The following RAP1GAP variants were observed in gnomAD, a reference collection of about 807,000 sequenced individuals.
RAP1GAP encodes the protein RAP1 GTPase activating protein.
A neutral mutation model predicts 87.2 loss-of-function variants in RAP1GAP; 35 were observed. That is an observed-to-expected ratio of 0.40 (90% CI 0.31 to 0.53). The LOEUF is 0.53. RAP1GAP is among the 20% of genes least tolerant of loss of function. The pLI, the probability that RAP1GAP is intolerant of heterozygous loss-of-function variation, is 0.48. For synonymous variants in RAP1GAP, 375 were observed against 363.9 expected (o/e 1.03, Z -0.35); for missense variants, 734 against 898.9 (o/e 0.82, Z 2.35).
chr1:21,638,620 A>C (rs961732001), intron 2 of RAP1GAP, among the ~76,000 whole-genome samples: 1 of 152,204 alleles, frequency 6.6e-6, no homozygotes, highest in Non-Finnish European at 1.5e-5. Context: ...GAAAGTTTAC[A>C]TGGCTTATCT....
At chr1:21,606,027 AG>A in intron 18 of RAP1GAP, 38 bp downstream of exon 18, 1 of 1,547,150 alleles carries the variant, frequency 6.5e-7, no homozygotes. Context: ...AGGGCCCCCC[AG>A]GGAGGGGCCG....
chr1:21,617,548 G>C (rs150959892), intron 6 of RAP1GAP, 57 bp from the exon 7 acceptor site: 5 of 1,529,518 alleles, frequency 3.3e-6, no homozygotes, highest in Non-Finnish European at 4.4e-6. Context: ...GGCGCCCCAG[G>C]ACACCCTCCC....
chr1:21,614,125 G>A (rs748755167), intron 7 of RAP1GAP, 36 bp from the exon 8 acceptor site: 2 of 1,422,314 alleles, frequency 1.4e-6, no homozygotes, highest in Middle Eastern at 2.1e-4. Flanking sequence ...GAGTGGGTGA[G>A]GCTGAGCATG....
At position 21,651,432 on chromosome 1, in the gene RAP1GAP, A is replaced by G. The variant is rs753533605; in HGVS notation, c.-148-1636T>C. On this transcript the variant is annotated intron_variant, in intron 1 of 24. Coordinates refer to ENST00000374765, the MANE Select transcript of RAP1GAP (RefSeq NM_002885.4). Reference sequence around the variant, plus strand: ...GTTGCGCACACACGCATGCACACACACGCGCGCACACACAGGCGGAGTAGC... The same window carrying G: ...GTTGCGCACACACGCATGCACACACGCGCGCGCACACACAGGCGGAGTAGC... The G allele has an allele frequency of 7.0e-6, 4 of 573,124 alleles. No individual in the cohort carries two copies. In the East Asian group the frequency reaches 1.3e-4, roughly 19 times the overall value. 35.5% of individuals were successfully genotyped at this position (573,124 alleles called of 1,614,324 possible).
At chr1:21,639,717 A>G (rs1300786023) in intron 2 of RAP1GAP, among the ~76,000 whole-genome samples, 2 of 152,266 alleles carry the variant, frequency 1.3e-5, no homozygotes, top group East Asian at 3.9e-4. Flanking sequence ...GGAGTGAGCA[A>G]GGATCCACCC....
At chr1:21,610,072 C>T (rs2077264588) in intron 14 of RAP1GAP, 48 bp downstream of exon 14, 2 of 1,595,166 alleles carry the variant, frequency 1.3e-6, no homozygotes, top group South Asian at 2.2e-5. Flanking sequence ...GGCAGAGCTG[C>T]AGCCAGGGCC....
At chr1:21,621,226 C>T (rs1339546846) in intron 3 of RAP1GAP, among the ~76,000 whole-genome samples, 2 of 152,164 alleles carry the variant, frequency 1.3e-5, no homozygotes, top group East Asian at 1.9e-4. Context: ...CATGACAACA[C>T]GCAGCCACAG....
chr1:21,619,928 G>T, intron 4 of RAP1GAP, 87 bp downstream of exon 4: 1 of 1,419,998 alleles, frequency 7.0e-7, no homozygotes, highest in Non-Finnish European at 9.9e-7. Context: ...TCAGGGAGGT[G>T]AAGGGCTGGA....
In RAP1GAP at chr1:21,634,563, G is replaced by A. The variant is rs2094384522; in HGVS notation, c.-112-8166C>T. 2.6e-5 allele frequency among the ~76,000 whole-genome samples: 4 copies of A among 152,214 alleles called. No individual in the cohort carries two copies. The stretch of plus-strand genomic sequence containing the variant: ...GGTGGGAGACTCAGGCCCCAAGCTG[G>A]GCAGAGGGATGGGCAGGAAGGTGGC... On this transcript the variant is annotated intron_variant, in intron 2 of 24. Transcript: ENST00000374765. This position sits in a 1 kb window ranked among gnomAD's most constrained non-coding sequence, Gnocchi z 4.1.
intron 1 of RAP1GAP, chr1:21,653,119 T>G (rs562527931): frequency 3.3e-5 from 5 of 152,158 alleles, no homozygotes; most frequent in Non-Finnish European, 4.4e-5. Flanking sequence ...TACCAGGGTC[T>G]ACGGTTTGTC....
Position 21,635,097 on chromosome 1 carries a change from C to T in RAP1GAP, c.-112-8700G>A, listed in dbSNP as rs144949965. Among the ~76,000 whole-genome samples the T allele has an allele frequency of 3.2e-3, 493 of 152,316 alleles. 2 individuals carry two copies. The highest frequency in any genetic ancestry group is 0.011 in the African/African-American group (464 of 41,566). On this transcript the variant is annotated intron_variant, in intron 2 of 24. Transcript: ENST00000374765. ...GAGCCTGGATGGAGATGGTGACTTC[C>T]AAGCTTCCACCCCGAAGCTCAGCCC... is the stretch of plus-strand genomic sequence containing the variant.
In RAP1GAP at chr1:21,667,709, G is replaced by A. The variant is rs146458622; in HGVS notation, c.-149+1545C>T. The stretch of plus-strand genomic sequence containing the variant: ...CTCCCATCAAGAGTCAGAGTACCAC[G>A]ATTCTAGACCTTGCTGAAGGTGACT... On this transcript the variant is annotated intron_variant, in intron 1 of 24. Transcript: ENST00000374765. 824 of 152,434 alleles carry A rather than the reference G, an allele frequency of 5.4e-3. 2 individuals are homozygous for A. Among genetic ancestry groups the A allele is most frequent in the Admixed American group, 0.011 (170 of 15,298 alleles). 9.4% of individuals were successfully genotyped at this position (152,434 alleles called of 1,614,324 possible).
chr1:21,620,065 G>A lies in RAP1GAP; in HGVS notation c.-18-15C>T, dbSNP rs750633340. ...AGATCTGTGTTCTGCAACAGAGACA[G>A]GGGAGAGCGAGGTCAGCTGATCCCG... On this transcript the variant is annotated splice_polypyrimidine_tract_variant and intron_variant, in intron 3 of 24. Coordinates refer to ENST00000374765, the MANE Select transcript of RAP1GAP (RefSeq NM_002885.4). The A allele has an allele frequency of 9.9e-6, 16 of 1,613,758 alleles. No individual in the cohort carries two copies. In the Admixed American group the frequency reaches 2.7e-4, roughly 27 times the overall value.
intron 1 of RAP1GAP, among the ~76,000 whole-genome samples, chr1:21,661,377 CCTT>C (rs1376538373): frequency 6.6e-6 from 1 of 152,160 alleles, no homozygotes; most frequent in African/African-American, 2.4e-5. Flanking sequence ...TCTATAGTCT[CCTT>C]GTTTTAGTGA....
Position 21,610,190 on chromosome 1 carries a change from G to A in RAP1GAP, c.929C>T (p.Ala310Val), listed in dbSNP as rs376034636. 3 of 1,614,190 alleles carry A rather than the reference G, an allele frequency of 1.9e-6. No individual in the cohort carries two copies. Among genetic ancestry groups the A allele is most frequent in the South Asian group, 1.1e-5 (1 of 91,086 alleles). The change falls in exon 14 of 25, where the codon GCG becomes GTG. Residue 310 changes from alanine (A) to valine (V), a missense_variant. Transcript: ENST00000374765. ...GACGTAGGCATGCAGGAAGTTGGAC[G>A]CGATCATGTCGGGCACGAAAGGAGT... ...ENTPFVPDMI[A>V]SNFLHAYVVV...
At chr1:21,639,612 T>A (rs2095308468) in intron 2 of RAP1GAP, among the ~76,000 whole-genome samples, 1 of 152,156 alleles carries the variant, frequency 6.6e-6, no homozygotes, top group Non-Finnish European at 1.5e-5. Flanking sequence ...TGAAAGTACG[T>A]CCTAAGCTAG....
At chr1:21,647,126 C>T (rs1249232341) in intron 2 of RAP1GAP, among the ~76,000 whole-genome samples, 2 of 152,136 alleles carry the variant, frequency 1.3e-5, no homozygotes, top group Non-Finnish European at 2.9e-5. Context: ...GGTAGTTGCA[C>T]AAGACCATGT....
Position 21,610,141 on chromosome 1 carries a change from G to GC in RAP1GAP, c.977dup (p.Asp328Ter). Reference sequence around the variant, plus strand: ...CCACCTTGTAGAGGGGGCCATCAGGGCCCCCGCCCTCAGCCTGCACCACGA... The same window carrying GC: ...CCACCTTGTAGAGGGGGCCATCAGGGCCCCCCGCCCTCAGCCTGCACCACGA... On this transcript the variant is annotated frameshift_variant, in exon 14 of 25. Coordinates refer to ENST00000374765, the MANE Select transcript of RAP1GAP (RefSeq NM_002885.4). LOFTEE classifies it high-confidence loss of function. The GC allele has an allele frequency of 6.2e-7, 1 of 1,614,020 alleles. No individual in the cohort carries two copies. The highest frequency in any genetic ancestry group is 8.5e-7 in the Non-Finnish European group (1 of 1,179,986).
chr1:21,618,936 G>A, intron 5 of RAP1GAP, 89 bp downstream of exon 5: 1 of 1,396,222 alleles, frequency 7.2e-7, no homozygotes. Context: ...GAAAGGGGAT[G>A]GATTTCCTGC....
Sources: allele counts gnomAD v4.1 joint callset (sites outside exome capture counted in the v4.1 genomes callset), GRCh38; gene constraint gnomAD v4.1.1; non-coding constraint Gnocchi (gnomAD v3.1); transcripts MANE v1.5; gene names NCBI Gene and HGNC (gene_info 2026-07-23, HGNC 2026-07-21).